Variants in FTO observed in about 807,000 individuals in gnomAD.
FTO encodes alpha-ketoglutarate-dependent dioxygenase FTO.
In FTO, 47 loss-of-function variants were observed where a neutral mutation model predicts 63.9. The ratio of observed to expected loss-of-function variants is 0.74; its 90% CI spans 0.58 to 0.94. The LOEUF (loss-of-function observed/expected upper bound fraction) is 0.94, where lower values mean the gene tolerates loss of function less well. Ranked by LOEUF, FTO falls within the 40% of genes least tolerant of loss-of-function variation. The probability of loss-of-function intolerance (pLI) is 0.00; values close to 1 mark genes in which losing one functional copy is unlikely to be tolerated. For synonymous variants in FTO, 207 were observed against 224.4 expected (o/e 0.92, Z 0.69); for missense variants, 562 against 618.1 (o/e 0.91, Z 0.96).
Position 54,109,781 on chromosome 16 carries a change from G to T in FTO, c.1365-1981G>T, listed in dbSNP as rs116597294. On this transcript the variant is annotated intron_variant, in intron 8 of 8. Transcript: ENST00000471389. ...TCGATATGTTTCATACTTTCTCAAAGTACGGAGGCAAAACCCATTTGACAG... is the reference window on the plus strand; with the variant it reads ...TCGATATGTTTCATACTTTCTCAAATTACGGAGGCAAAACCCATTTGACAG... Among the ~76,000 whole-genome samples the T allele has an allele frequency of 7.2e-3, 1,090 of 152,290 alleles. 13 individuals carry two copies. Among genetic ancestry groups the T allele is most frequent in the African/African-American group, 0.024 (1,017 of 41,556 alleles).
intron 8 of FTO, among the ~76,000 whole-genome samples, chr16:54,110,694 C>T (rs1349738844): frequency 6.6e-6 from 1 of 152,204 alleles, no homozygotes. Context: ...CCTACACAGT[C>T]AGAAGACAAA....
chr16:53,773,138 G>A (rs1263275828), intron 1 of FTO, among the ~76,000 whole-genome samples: 1 of 151,408 alleles, frequency 6.6e-6, no homozygotes, highest in Non-Finnish European at 1.5e-5. Context: ...CTATTTGGTG[G>A]TTATTTAGAA....
At chr16:54,084,200 C>A (rs544317611) in intron 8 of FTO, among the ~76,000 whole-genome samples, 1 of 152,196 alleles carries the variant, frequency 6.6e-6, no homozygotes, top group Admixed American at 6.5e-5. Flanking sequence ...TGTTATTTAA[C>A]CCTTCTGAGC....
chr16:53,979,421 C>G (rs1176711115), intron 8 of FTO: 1 of 398,448 alleles, frequency 2.5e-6, no homozygotes, highest in African/African-American at 2.1e-5. Flanking sequence ...TCTCCCATCT[C>G]AAGTTTGGCA....
chr16:53,919,840 G>A (rs865818281), intron 7 of FTO, among the ~76,000 whole-genome samples: 2 of 152,126 alleles, frequency 1.3e-5, no homozygotes, highest in African/African-American at 4.8e-5. Context: ...GGGGAAAAGG[G>A]TGGGAAGGAG....
At chr16:53,934,317 C>T (rs112592637) in intron 8 of FTO, among the ~76,000 whole-genome samples, 14 of 152,318 alleles carry the variant, frequency 9.2e-5, no homozygotes, top group African/African-American at 3.4e-4. Context: ...AGTATATTTA[C>T]ACAATTTGTT....
At chr16:53,892,532 CTA>C (rs1344423651) in intron 7 of FTO, among the ~76,000 whole-genome samples, 1 of 152,084 alleles carries the variant, frequency 6.6e-6, no homozygotes, top group Non-Finnish European at 1.5e-5. Flanking sequence ...CTTCCAGGGA[CTA>C]TCTTACTCAA....
At chr16:54,054,224 A>G (rs1169202452) in intron 8 of FTO, among the ~76,000 whole-genome samples, 1 of 152,212 alleles carries the variant, frequency 6.6e-6, no homozygotes, top group Non-Finnish European at 1.5e-5. Flanking sequence ...GACTCCTTCC[A>G]TGAACTGCTA....
rs1414769704 is a variant in FTO at position 54,109,330 on chromosome 16, TTTC to T, written c.1365-2417_1365-2415del. Among the ~76,000 whole-genome samples the T allele has an allele frequency of 5.1e-4, 77 of 152,176 alleles. 1 individual carries two copies. The highest frequency in any genetic ancestry group is 1.7e-3 in the African/African-American group (70 of 41,532). ...TCCCATACCAGCCAGTCTTTGTTTT[TTTC>T]TTCTTCTTCTTCTTTTGGAAAGAGT... On this transcript the variant is annotated intron_variant, in intron 8 of 8. Transcript: ENST00000471389.
intron 7 of FTO, among the ~76,000 whole-genome samples, chr16:53,895,543 T>C (rs766656001): frequency 6.6e-6 from 1 of 152,232 alleles, no homozygotes; most frequent in East Asian, 1.9e-4. Context: ...GGGATACTTA[T>C]GTTTCTTAAA....
At chr16:53,835,160 T>G (rs1417123476) in intron 3 of FTO, among the ~76,000 whole-genome samples, 4 of 152,250 alleles carry the variant, frequency 2.6e-5, no homozygotes, top group Admixed American at 6.5e-5. Flanking sequence ...AGATATTCTG[T>G]CCATTTCATT....
At chr16:53,915,964 T>C (rs1004968260) in intron 7 of FTO, among the ~76,000 whole-genome samples, 1 of 152,202 alleles carries the variant, frequency 6.6e-6, no homozygotes, top group African/African-American at 2.4e-5. Flanking sequence ...GCAGCAGTAG[T>C]TTGCAGGTTT....
intron 4 of FTO, among the ~76,000 whole-genome samples, chr16:53,847,762 C>A: frequency 6.7e-6 from 1 of 149,982 alleles, no homozygotes; most frequent in African/African-American, 2.5e-5. Context: ...GAGGGAAATT[C>A]CATCTCAAAA....
intron 8 of FTO, among the ~76,000 whole-genome samples, chr16:54,033,606 C>T (rs7186215): frequency 0.14 from 20,648 of 151,960 alleles, 2,980 homozygotes; most frequent in African/African-American, 0.36. Flanking sequence ...CCCTTGAGGC[C>T]AGAAGTTCAA....
At chr16:54,061,953 C>T (rs1558687) in intron 8 of FTO, among the ~76,000 whole-genome samples, 40,274 of 151,848 alleles carry the variant, frequency 0.27, 5,644 homozygotes, top group East Asian at 0.37. Context: ...AAGTTCCTGG[C>T]GGCAATAAAA....
At chr16:53,900,608 CTTTTTTTT>C (rs752080961) in intron 7 of FTO, among the ~76,000 whole-genome samples, 1 of 67,160 alleles carries the variant, frequency 1.5e-5, no homozygotes, top group African/African-American at 6.5e-5. Flanking sequence ...TCATCTGCTC[CTTTTTTTT>C]TTTTTTTTTT....
rs147436148 is a variant in FTO, at chr16:53,817,125, C to G, written c.123+6908C>G. Among the ~76,000 whole-genome samples, 438 of 152,302 alleles carry G rather than the reference C, an allele frequency of 2.9e-3. 1 individual carries two copies. The highest frequency in any genetic ancestry group is 9.9e-3 in the African/African-American group (413 of 41,546). ...ATCCTTGTATGTCTGGCACTTTATA[C>G]AGTGCCTGGTACATAGGAAGTATTT... On this transcript the variant is annotated intron_variant, in intron 2 of 8. Transcript: ENST00000471389.
intron 4 of FTO, among the ~76,000 whole-genome samples, chr16:53,847,406 G>T (rs553422547): frequency 1.3e-5 from 2 of 152,332 alleles, no homozygotes; most frequent in South Asian, 2.1e-4. Flanking sequence ...GGGAAGAAAA[G>T]AAGTTAATGA....
intron 3 of FTO, 52 bp from the exon 4 acceptor site, chr16:53,844,103 A>C: frequency 1.4e-6 from 2 of 1,463,722 alleles, no homozygotes; most frequent in Non-Finnish European, 1.9e-6. Context: ...TATAAAATTC[A>C]GAAGCTTAGA....
Sources: gnomAD v4.1 joint callset for allele counts (sites outside exome capture counted in the v4.1 genomes callset) on GRCh38, gnomAD v4.1.1 for gene constraint, MANE v1.5 for transcripts, NCBI Gene and HGNC (gene_info 2026-07-23, HGNC 2026-07-21) for gene names.